FSHR: variants seen among roughly 807,000 people sequenced by gnomAD.
FSHR encodes follicle-stimulating hormone receptor.
In FSHR, 46 loss-of-function variants were observed where a neutral mutation model predicts 52.1. The observed-to-expected ratio is 0.88, with a 90% confidence interval of 0.70 to 1.13. The LOEUF is 1.13. FSHR is among the 50% of genes most tolerant of loss of function. The pLI, the probability that FSHR is intolerant of heterozygous loss-of-function variation, is 0.00. For synonymous variants in FSHR, 399 were observed against 309.6 expected (o/e 1.29, Z -3.03); for missense variants, 964 against 834.6 (o/e 1.16, Z -1.91).
intron 1 of FSHR, among the ~76,000 whole-genome samples, chr2:49,091,107 T>C (rs1572731912): frequency 6.6e-6 from 1 of 150,858 alleles, no homozygotes; most frequent in South Asian, 2.1e-4. Context: ...ACAAAAGTTT[T>C]ACATTTCGAT....
Position 48,962,959 on chromosome 2 carries a change from G to C in FSHR, c.1862C>G (p.Ala621Gly), listed in dbSNP as rs1674297842. 4 of 1,614,144 alleles carry C rather than the reference G, an allele frequency of 2.5e-6. No homozygotes were observed. The highest frequency in any genetic ancestry group is 1.6e-4 in the Middle Eastern group (1 of 6,062). ...AAAGATGGCATAGAGGAAGGGGTTGGCACAGGAGTTGATGGGGTGAAACAG... is the reference window on the plus strand; with the variant it reads ...AAAGATGGCATAGAGGAAGGGGTTGCCACAGGAGTTGATGGGGTGAAACAG... Reference protein sequence around the residue: ...LVLFHPINSCANPFLYAIFTK... With the variant: ...LVLFHPINSCGNPFLYAIFTK... The change falls in exon 10 of 10, where the codon GCC (alanine) becomes GGC (glycine). Residue 621 changes from alanine to glycine, a missense_variant. Transcript: ENST00000406846.
chr2:49,133,485 C>T (rs566884775), intron 1 of FSHR, among the ~76,000 whole-genome samples: 3 of 152,152 alleles, frequency 2.0e-5, no homozygotes, highest in Non-Finnish European at 4.4e-5. Context: ...TCAAAATGGC[C>T]ATGCTGCCCG....
intron 5 of FSHR, among the ~76,000 whole-genome samples, chr2:48,989,888 A>T (rs1199991209): frequency 6.6e-6 from 1 of 152,208 alleles, no homozygotes; most frequent in African/African-American, 2.4e-5. Flanking sequence ...ATGTGGAAGT[A>T]ACAGCTGTAC....
At chr2:49,016,244 T>C (rs1320830125) in intron 4 of FSHR, among the ~76,000 whole-genome samples, 1 of 152,232 alleles carries the variant, frequency 6.6e-6, no homozygotes, top group African/African-American at 2.4e-5. Context: ...TAAACTGATT[T>C]CAAAAGTGGC....
chr2:49,020,187 A>G (rs1185900870), intron 2 of FSHR, 27 bp from the exon 3 acceptor site: 9 of 1,574,018 alleles, frequency 5.7e-6, no homozygotes, highest in Non-Finnish European at 7.9e-6. Flanking sequence ...ATATAAGTCA[A>G]GCCAGTTCAG....
chr2:48,972,745 T>A (rs536850140), intron 8 of FSHR, among the ~76,000 whole-genome samples: 83 of 152,320 alleles, frequency 5.4e-4, no homozygotes, highest in African/African-American at 1.9e-3. Flanking sequence ...TAGAAGTCCT[T>A]TAGGAACAAT....
At chr2:48,983,501 G>A (rs115192603) in intron 6 of FSHR, among the ~76,000 whole-genome samples, 2,286 of 152,292 alleles carry the variant, frequency 0.015, 47 homozygotes, top group African/African-American at 0.051. Context: ...AATGCGGGGA[G>A]CGACAGATCT....
At chr2:49,153,692 T>C (rs992311131) in intron 1 of FSHR, among the ~76,000 whole-genome samples, 1 of 152,292 alleles carries the variant, frequency 6.6e-6, no homozygotes, top group Non-Finnish European at 1.5e-5. Flanking sequence ...TTATCCTGTA[T>C]TTCTCCCTCT....
intron 1 of FSHR, among the ~76,000 whole-genome samples, chr2:49,129,742 T>C (rs2103807269): frequency 6.6e-6 from 1 of 152,326 alleles, no homozygotes; most frequent in Admixed American, 6.5e-5. Context: ...GATAATGTGT[T>C]ATCTCAAAAA....
chr2:48,998,516 A>G (rs973515098), intron 4 of FSHR, among the ~76,000 whole-genome samples: 2 of 152,114 alleles, frequency 1.3e-5, no homozygotes, highest in African/African-American at 4.8e-5. Flanking sequence ...TCCAGGTACT[A>G]GTAAAATTCA....
chr2:48,971,768 A>G (rs1010072966), intron 8 of FSHR, among the ~76,000 whole-genome samples: 7 of 152,140 alleles, frequency 4.6e-5, no homozygotes, highest in Admixed American at 2.0e-4. Flanking sequence ...ATGTTTGATG[A>G]CTTTTTAAGG....
intron 1 of FSHR, among the ~76,000 whole-genome samples, chr2:49,084,479 A>G (rs1406980760): frequency 6.6e-6 from 1 of 152,232 alleles, no homozygotes; most frequent in Non-Finnish European, 1.5e-5. Context: ...AGCAGAAGGC[A>G]AGAAATAACT....
In FSHR at chr2:49,011,830, C is replaced by A. The variant is rs543538668; in HGVS notation, c.374+5659G>T. On this transcript the variant is annotated intron_variant, in intron 4 of 9. Transcript: ENST00000406846. ...CCCTACCCTCTGTCCCCTTGCCGTG[C>A]TACCTCCAAAAGCAGTTCAGCTTTT... Among the ~76,000 whole-genome samples the A allele has an allele frequency of 4.9e-4, 75 of 152,158 alleles. 1 individual carries two copies. Among genetic ancestry groups the A allele is most frequent in the Admixed American group, 4.9e-3 (75 of 15,274 alleles).
chr2:49,127,337 A>C (rs1180797182), intron 1 of FSHR, among the ~76,000 whole-genome samples: 1 of 152,110 alleles, frequency 6.6e-6, no homozygotes, highest in Admixed American at 6.5e-5. Context: ...AAGAAAAAAA[A>C]AAAAAGAAAA....
chr2:49,136,861 G>A (rs982111557), intron 1 of FSHR, among the ~76,000 whole-genome samples: 13 of 152,044 alleles, frequency 8.6e-5, no homozygotes, highest in Admixed American at 3.9e-4. Context: ...GGAAACTTCC[G>A]CAGTCTGATA....
At chr2:49,038,834 T>G (rs187543945) in intron 2 of FSHR, among the ~76,000 whole-genome samples, 97 of 152,042 alleles carry the variant, frequency 6.4e-4, no homozygotes, top group African/African-American at 2.3e-3. Context: ...ATAAATATAT[T>G]TTTAAGAATT....
At chr2:49,021,886 T>TAGAGAGAGAGAGAGAGAGAG (rs58926557) in intron 2 of FSHR, among the ~76,000 whole-genome samples, 1 of 25,126 alleles carries the variant, frequency 4.0e-5, no homozygotes, top group African/African-American at 1.5e-4. Flanking sequence ...TATATATATA[T>TAGAGAGAGAGAGAGAGAGAG]AGAGAGAGAG....
At chr2:48,966,011 G>A (rs1377007805) in intron 9 of FSHR, among the ~76,000 whole-genome samples, 1 of 152,186 alleles carries the variant, frequency 6.6e-6, no homozygotes, top group Non-Finnish European at 1.5e-5. Context: ...GTGTCGCAGA[G>A]CCTAAGCTTT....
intron 1 of FSHR, among the ~76,000 whole-genome samples, 187 bp from the exon 2 acceptor site, chr2:49,068,477 C>T (rs1669596922): frequency 6.6e-6 from 1 of 151,914 alleles, no homozygotes; most frequent in Admixed American, 6.6e-5. Flanking sequence ...ATTAGTCTTT[C>T]CATTTTGCAT....
Sources: allele counts gnomAD v4.1 joint callset (sites outside exome capture counted in the v4.1 genomes callset), GRCh38; gene constraint gnomAD v4.1.1; transcripts MANE v1.5; gene names NCBI Gene and HGNC (gene_info 2026-07-23, HGNC 2026-07-21).